The following SOX6 variants were observed in gnomAD, a reference collection of about 807,000 sequenced individuals.
SOX6 encodes transcription factor SOX-6.
SOX6 carries 11 observed loss-of-function variants against 97.8 expected under a neutral mutation model. That is an observed-to-expected ratio of 0.11 (90% CI 0.07 to 0.19). The LOEUF is 0.19. SOX6 is among the 10% of genes least tolerant of loss of function. The pLI is 1.00. For synonymous variants in SOX6, 360 were observed against 371.4 expected, an observed-to-expected ratio of 0.97 and a Z score of 0.35; for missense variants, 810 against 1,039.5, an observed-to-expected ratio of 0.78 and a Z score of 3.04.
chr11:16,070,817 G>A (rs1848205965), intron 9 of SOX6, among the ~76,000 whole-genome samples: 1 of 152,156 alleles, frequency 6.6e-6, no homozygotes, highest in African/African-American at 2.4e-5. Flanking sequence ...GCAAGACTAG[G>A]AATGGGAGAA....
At position 15,971,011 on chromosome 11, in the gene SOX6, C is replaced by T. The variant is rs1853286233; in HGVS notation, c.*1798G>A. ...ATGGGGAATAAAACCTCACTGCTTC[C>T]CACCCCAGTAGCATGTCTTCAAAGA... is the stretch of plus-strand genomic sequence containing the variant. On this transcript the variant is annotated 3_prime_UTR_variant, in exon 16 of 16. Coordinates refer to ENST00000683767, the MANE Select transcript of SOX6 (RefSeq NM_001367873.1). 6.6e-6 allele frequency: 1 copy of T among 152,368 alleles called. No individual in the cohort carries two copies. The allele number at this position is 152,368 out of a possible 1,614,324, so 9.4% of individuals were successfully genotyped here. A position where few individuals can be genotyped will look rare whatever the true frequency, so the allele number is the denominator to read the frequency against.
At chr11:16,033,768 C>A (rs899589454) in intron 12 of SOX6, among the ~76,000 whole-genome samples, 1 of 151,820 alleles carries the variant, frequency 6.6e-6, no homozygotes, top group Admixed American at 6.6e-5. Context: ...GCTACTGGGG[C>A]GGCTGAGACA....
intron 4 of SOX6, among the ~76,000 whole-genome samples, chr11:16,556,064 C>T (rs1202686101): frequency 6.6e-6 from 1 of 151,438 alleles, no homozygotes; most frequent in African/African-American, 2.4e-5. Context: ...TAATTATATT[C>T]TAGAGTAACT....
intron 3 of SOX6, among the ~76,000 whole-genome samples, chr11:16,237,801 C>T (rs1010779363): frequency 6.6e-6 from 1 of 151,926 alleles, no homozygotes; most frequent in African/African-American, 2.4e-5. Context: ...ATCCTCAAAA[C>T]AATTAAACAA....
chr11:16,433,771 T>C (rs773906043), intron 1 of SOX6, among the ~76,000 whole-genome samples: 9 of 152,110 alleles, frequency 5.9e-5, no homozygotes, highest in Non-Finnish European at 1.0e-4. Context: ...ATGAGCAGGA[T>C]GAGGAATGCT....
chr11:16,632,546 G>A (rs1466075696), intron 3 of SOX6, among the ~76,000 whole-genome samples: 1 of 152,234 alleles, frequency 6.6e-6, no homozygotes, highest in Non-Finnish European at 1.5e-5. Context: ...TTCCTGCTCA[G>A]CCCTGGGGCA....
In SOX6 at chr11:16,266,671, G is replaced by A. The variant is rs372354400; in HGVS notation, c.446-32000C>T. Among the ~76,000 whole-genome samples the A allele has an allele frequency of 2.6e-4, 39 of 151,448 alleles. 1 individual carries two copies. Among genetic ancestry groups the A allele is most frequent in the African/African-American group, 2.2e-4 (9 of 41,360 alleles). The stretch of plus-strand genomic sequence containing the variant: ...ATCTGGAAGAGAAATTAAAGTATAC[G>A]TTTATTGTACTATAGTGTAAATACT... On this transcript the variant is annotated intron_variant, in intron 3 of 15. Coordinates refer to ENST00000683767, the MANE Select transcript of SOX6 (RefSeq NM_001367873.1).
At chr11:16,587,781 C>CTG (rs1461066771) in intron 4 of SOX6, among the ~76,000 whole-genome samples, 2 of 152,196 alleles carry the variant, frequency 1.3e-5, no homozygotes, top group Admixed American at 1.3e-4. Context: ...AAGAGGTTAA[C>CTG]TAACAGACTT....
At chr11:16,691,405 T>C (rs1848012079) in intron 3 of SOX6, among the ~76,000 whole-genome samples, 2 of 152,174 alleles carry the variant, frequency 1.3e-5, no homozygotes, top group Admixed American at 6.5e-5. Flanking sequence ...GGCAACCAAA[T>C]CAAAGCATCA....
chr11:16,504,369 A>G (rs1860752335), intron 4 of SOX6, among the ~76,000 whole-genome samples: 1 of 152,172 alleles, frequency 6.6e-6, no homozygotes, highest in African/African-American at 2.4e-5. Flanking sequence ...AAACTCTTAC[A>G]TCTGACCAAC....
chr11:16,060,828 T>G (rs2133928077), intron 9 of SOX6, among the ~76,000 whole-genome samples: 1 of 152,012 alleles, frequency 6.6e-6, no homozygotes, highest in African/African-American at 2.4e-5. Flanking sequence ...TATCAGTATT[T>G]TAAACTTCAT....
chr11:16,586,782 T>C (rs567523716), intron 4 of SOX6, among the ~76,000 whole-genome samples: 1 of 152,236 alleles, frequency 6.6e-6, no homozygotes, highest in African/African-American at 2.4e-5. Context: ...ACCTAACTGG[T>C]CCAAAGGAAA....
chr11:16,646,529 T>C (rs895855289), intron 3 of SOX6, among the ~76,000 whole-genome samples: 63 of 152,060 alleles, frequency 4.1e-4, no homozygotes, highest in Admixed American at 1.2e-3. Context: ...GTTACTTGAG[T>C]AAGTTCTTTA....
At chr11:16,205,409 C>T (rs1565018837) in intron 4 of SOX6, among the ~76,000 whole-genome samples, 1 of 152,066 alleles carries the variant, frequency 6.6e-6, no homozygotes, top group African/African-American at 2.4e-5. Context: ...TATTTGAAAA[C>T]TTGAGTGCTC....
chr11:16,341,181 T>C lies in SOX6; in HGVS notation c.68A>G (p.Asp23Gly). 6.2e-7 allele frequency: 1 copy of C among 1,613,524 alleles called. No homozygotes were observed. The highest frequency in any genetic ancestry group is 1.1e-5 in the South Asian group (1 of 91,070). ...AADGEDAMTQ[D>G]LTSREKEEGS... ...CTCTTCCTTTTCCCTTGAGGTTAAA[T>C]CCTGGGTCATTGCATCCTCTCCATC... The change falls in exon 2 of 16, where the codon GAT becomes GGT. Residue 23 changes from aspartate to glycine, a missense_variant. By Grantham distance (94) the Asp-to-Gly change is moderately conservative (BLOSUM62 -1). This residue lies in a region of SOX6 where 100 missense variants were observed against 94.6 expected (regional missense o/e 1.06). Coordinates refer to ENST00000683767, the MANE Select transcript of SOX6 (RefSeq NM_001367873.1).
chr11:16,229,591 A>G (rs1227941417), intron 4 of SOX6, among the ~76,000 whole-genome samples: 1 of 151,896 alleles, frequency 6.6e-6, no homozygotes, highest in African/African-American at 2.4e-5. Context: ...TATGGGATCT[A>G]TAACAGCAAA....
chr11:16,029,026 C>A (rs879681790), intron 12 of SOX6, among the ~76,000 whole-genome samples: 3 of 152,220 alleles, frequency 2.0e-5, no homozygotes, highest in African/African-American at 7.2e-5. Context: ...GCAAGGGTAG[C>A]GACTGCACCA....
At chr11:16,026,598 A>C (rs1216816364) in intron 12 of SOX6, among the ~76,000 whole-genome samples, 2 of 152,208 alleles carry the variant, frequency 1.3e-5, no homozygotes, top group Non-Finnish European at 2.9e-5. Flanking sequence ...GCTGCTAAGA[A>C]GAGGGCCTTT....
intron 3 of SOX6, among the ~76,000 whole-genome samples, chr11:16,617,383 A>G (rs1333100200): frequency 6.6e-6 from 1 of 151,904 alleles, no homozygotes; most frequent in Non-Finnish European, 1.5e-5. Flanking sequence ...AGCTCAATAC[A>G]AAAACCTCTT....
Sources: gnomAD v4.1 joint callset for allele counts (sites outside exome capture counted in the v4.1 genomes callset) on GRCh38, gnomAD v4.1.1 for gene constraint, gnomAD v4.1.1 regional missense constraint, MANE v1.5 for transcripts, NCBI Gene and HGNC (gene_info 2026-07-23, HGNC 2026-07-21) for gene names.